Variants in PRKCE observed in about 807,000 individuals in gnomAD.
The protein encoded by PRKCE is protein kinase C epsilon type.
In PRKCE, 16 loss-of-function variants were observed where a neutral mutation model predicts 85.4. The observed-to-expected ratio is 0.19, with a 90% CI of 0.13 to 0.28. The LOEUF is 0.28. Ranked by LOEUF, PRKCE falls within the 10% of genes least tolerant of loss-of-function variation. The pLI, the probability that PRKCE is intolerant of heterozygous loss-of-function variation, is 1.00. For missense variants in PRKCE, 573 were observed against 975.2 expected (o/e 0.59, Z 5.49); for synonymous variants, 388 against 371.5 (o/e 1.04, Z -0.51).
intron 2 of PRKCE, among the ~76,000 whole-genome samples, chr2:45,944,910 A>C (rs1363068121): frequency 6.6e-6 from 1 of 152,180 alleles, no homozygotes; most frequent in African/African-American, 2.4e-5. Flanking sequence ...AAATGGATAC[A>C]GAGGTGGCCC....
chr2:46,141,942 C>A (rs1051867140), intron 11 of PRKCE, among the ~76,000 whole-genome samples: 1 of 152,140 alleles, frequency 6.6e-6, no homozygotes, highest in African/African-American at 2.4e-5. Flanking sequence ...CCAAAGTAGG[C>A]AAGGCTGGGA....
At chr2:45,976,329 C>G in intron 2 of PRKCE, 100 bp from the exon 3 acceptor site, 1 of 1,397,684 alleles carries the variant, frequency 7.2e-7, no homozygotes, top group South Asian at 1.3e-5. Context: ...CCCACCCCAG[C>G]TCCACTCCCC....
In PRKCE at chr2:46,086,235, G is replaced by A. The variant is rs1486045366; in HGVS notation, c.1465G>A (p.Val489Ile). 1.3e-6 allele frequency: 2 copies of A among 1,599,700 alleles called. No individual in the cohort carries two copies. The highest frequency in any genetic ancestry group is 2.2e-5 in the East Asian group (1 of 44,870). Residue 489 changes from valine to isoleucine, a missense_variant, in exon 11 of 15, where the codon GTA becomes ATA. Val to Ile is a conservative substitution (Grantham distance 29, BLOSUM62 3). This residue lies in a region of PRKCE where 89 missense variants were observed against 154.1 expected (regional missense o/e 0.58). Transcript: ENST00000306156. ...KDRLFFVMEY[V>I]NGGDLMFQIQ... Reference sequence around the variant, plus strand: ...CCGCCTCTTTTTCGTCATGGAATATGTAAATGGTGGAGACCTCATGTTTCA... The same window carrying A: ...CCGCCTCTTTTTCGTCATGGAATATATAAATGGTGGAGACCTCATGTTTCA...
intron 10 of PRKCE, among the ~76,000 whole-genome samples, chr2:46,012,154 A>T (rs911593073): frequency 2.0e-5 from 3 of 152,206 alleles, no homozygotes; most frequent in Non-Finnish European, 4.4e-5. Flanking sequence ...TAGATTCATG[A>T]GAAATGTATC....
chr2:45,868,309 C>CA (rs1236336311), intron 2 of PRKCE, among the ~76,000 whole-genome samples: 1 of 71,518 alleles, frequency 1.4e-5, no homozygotes, highest in East Asian at 5.9e-4. Flanking sequence ...CCAAAATCCC[C>CA]TTTCCTGTCC....
chr2:45,813,343 A>G (rs554345411), intron 1 of PRKCE, among the ~76,000 whole-genome samples: 1 of 152,204 alleles, frequency 6.6e-6, no homozygotes, highest in South Asian at 2.1e-4. Flanking sequence ...CATTAGCAGG[A>G]AAGGGCATGC....
At chr2:45,679,860 C>T (rs1490965057) in intron 1 of PRKCE, among the ~76,000 whole-genome samples, 1 of 152,138 alleles carries the variant, frequency 6.6e-6, no homozygotes, top group Non-Finnish European at 1.5e-5. Context: ...CCGGGCCTGC[C>T]CAAAGGACCA....
intron 10 of PRKCE, among the ~76,000 whole-genome samples, chr2:46,028,241 C>T (rs1296528535): frequency 2.6e-5 from 4 of 152,096 alleles, no homozygotes; most frequent in Admixed American, 6.5e-5. Flanking sequence ...CGCGTCCGGC[C>T]GAAGGTTGGG....
intron 2 of PRKCE, among the ~76,000 whole-genome samples, chr2:45,903,666 T>C (rs747160019): frequency 6.6e-6 from 1 of 152,192 alleles, no homozygotes; most frequent in Admixed American, 6.5e-5. Context: ...GGTAACCCCA[T>C]GTAAGATGTT....
intron 1 of PRKCE, among the ~76,000 whole-genome samples, chr2:45,812,013 T>C (rs1688687195): frequency 6.6e-6 from 1 of 152,208 alleles, no homozygotes; most frequent in Admixed American, 6.5e-5. Context: ...TGGCACTGTC[T>C]GTAGTCATCT....
In PRKCE at chr2:45,905,948, G is replaced by A. The variant is rs759009207; in HGVS notation, c.412+62885G>A. ...ATGGTGTCTGCCCACATGAAGGGCC[G>A]GGGTGGGCAGGCTATCTTCAGCGGT... On this transcript the variant is annotated intron_variant, in intron 2 of 14. Transcript: ENST00000306156. This position sits in a 1 kb window ranked among gnomAD's most constrained non-coding sequence, Gnocchi z 4.4. Among the ~76,000 whole-genome samples, 5 of 152,212 alleles carry A rather than the reference G, an allele frequency of 3.3e-5. No individual in the cohort carries two copies. Among genetic ancestry groups the A allele is most frequent in the East Asian group, 3.8e-4 (2 of 5,206 alleles).
chr2:45,917,804 C>T (rs1440255367), intron 2 of PRKCE, among the ~76,000 whole-genome samples: 1 of 152,206 alleles, frequency 6.6e-6, no homozygotes, highest in Non-Finnish European at 1.5e-5. Context: ...CTGCAGGTCC[C>T]GAGCCCTGCC....
chr2:45,762,343 T>A (rs79439136), intron 1 of PRKCE, among the ~76,000 whole-genome samples: 9,223 of 152,254 alleles, frequency 0.061, 343 homozygotes, highest in Non-Finnish European at 0.079. Flanking sequence ...TGAGTAATAC[T>A]CAAATTTATG....
intron 2 of PRKCE, among the ~76,000 whole-genome samples, chr2:45,866,599 G>T (rs757902581): frequency 6.6e-6 from 1 of 152,240 alleles, no homozygotes; most frequent in African/African-American, 2.4e-5. Context: ...GAGCCACCAC[G>T]CCCTGCCTGG....
chr2:46,062,549 T>C (rs914098274), intron 10 of PRKCE, among the ~76,000 whole-genome samples: 1 of 152,090 alleles, frequency 6.6e-6, no homozygotes, highest in Non-Finnish European at 1.5e-5. Flanking sequence ...GAGTGATACC[T>C]AAGGGGCTCT....
rs532971333 is a variant in PRKCE at position 46,076,411 on chromosome 2, G to A, written c.1438-9797G>A. On this transcript the variant is annotated intron_variant, in intron 10 of 14. Transcript: ENST00000306156. ...TTTCCCGTGGCTTTCACACACAGAT[G>A]GAAGTGAGTGGGACAGGGTGGCGGT... Among the ~76,000 whole-genome samples, 46 of 152,310 alleles carry A rather than the reference G, an allele frequency of 3.0e-4. 1 individual carries two copies. The South Asian group carries it at 9.5e-3, about 32-fold the overall frequency.
chr2:45,802,027 A>T (rs1687904644), intron 1 of PRKCE, among the ~76,000 whole-genome samples: 1 of 151,392 alleles, frequency 6.6e-6, no homozygotes, highest in South Asian at 2.1e-4. Flanking sequence ...AGGCGAGAGG[A>T]TCACTTGAGA....
At chr2:45,822,032 G>A (rs533130645) in intron 1 of PRKCE, among the ~76,000 whole-genome samples, 3 of 152,280 alleles carry the variant, frequency 2.0e-5, no homozygotes, top group Admixed American at 6.5e-5. Flanking sequence ...ACCTGTAGCC[G>A]GCTTCGGCTG....
In PRKCE at chr2:46,068,457, T is replaced by C. The variant is rs902984731; in HGVS notation, c.1438-17751T>C. ...TATCTAATTAATCAGTCATTATTTA[T>C]TGGTGTACCATTAGGTGCAAGGTAT... On this transcript the variant is annotated intron_variant, in intron 10 of 14. Coordinates refer to ENST00000306156, the MANE Select transcript of PRKCE (RefSeq NM_005400.3). This position sits in a 1 kb window ranked among gnomAD's most constrained non-coding sequence, Gnocchi z 4.3. 6.6e-6 allele frequency among the ~76,000 whole-genome samples: 1 copy of C among 152,248 alleles called. No homozygotes were observed. Among genetic ancestry groups the C allele is most frequent in the Admixed American group, 6.5e-5 (1 of 15,290 alleles).
Sources: gnomAD v4.1 joint callset for allele counts (sites outside exome capture counted in the v4.1 genomes callset) on GRCh38, gnomAD v4.1.1 for gene constraint, gnomAD v4.1.1 regional missense constraint, Gnocchi (gnomAD v3.1) non-coding constraint, MANE v1.5 for transcripts, NCBI Gene and HGNC (gene_info 2026-07-23, HGNC 2026-07-21) for gene names.